The following SNTG2 variants were observed in gnomAD, a reference collection of about 807,000 sequenced individuals.
SNTG2 encodes syntrophin gamma 2, also known as gamma-2-syntrophin.
Under a neutral mutation model 70.9 loss-of-function variants are expected in SNTG2, and 74 were observed. That is an observed-to-expected ratio of 1.04 (90% CI 0.86 to 1.27). The LOEUF (loss-of-function observed/expected upper bound fraction) is 1.27. Ranked by LOEUF, SNTG2 falls within the 50% of genes most tolerant of loss-of-function variation. The pLI is 0.00. For missense variants in SNTG2, 717 were observed against 690.7 expected, an observed-to-expected ratio of 1.04 and a Z score of -0.43; for synonymous variants, 278 against 273.8, an observed-to-expected ratio of 1.02 and a Z score of -0.15.
intron 6 of SNTG2, among the ~76,000 whole-genome samples, chr2:1,148,532 C>T (rs1235176563): frequency 2.6e-5 from 4 of 152,192 alleles, no homozygotes; most frequent in African/African-American, 9.7e-5. Context: ...CCTGTGAGCT[C>T]TTCATGCTGA....
At chr2:1,065,943 C>G (rs1392969266) in intron 1 of SNTG2, among the ~76,000 whole-genome samples, 1 of 152,116 alleles carries the variant, frequency 6.6e-6, no homozygotes, top group East Asian at 1.9e-4. Flanking sequence ...AATAATCACA[C>G]AAGATTATCT....
intron 9 of SNTG2, chr2:1,210,821 T>C (rs993938178): frequency 2.0e-4 from 30 of 152,360 alleles, no homozygotes; most frequent in African/African-American, 7.2e-4. Context: ...GTTACAGTTG[T>C]GTAAGTATTC....
intron 1 of SNTG2, among the ~76,000 whole-genome samples, chr2:966,116 C>G (rs1380328975): frequency 6.6e-6 from 1 of 152,234 alleles, no homozygotes; most frequent in African/African-American, 2.4e-5. Flanking sequence ...CTGGCATTTG[C>G]TCTTGTGGGG....
At chr2:1,007,831 T>C (rs1393868540) in intron 1 of SNTG2, among the ~76,000 whole-genome samples, 1 of 152,204 alleles carries the variant, frequency 6.6e-6, no homozygotes, top group Non-Finnish European at 1.5e-5. Flanking sequence ...TGGAGTGCAG[T>C]GGTGCGATCT....
chr2:1,159,139 C>T (rs1395182816), intron 6 of SNTG2, among the ~76,000 whole-genome samples: 2 of 47,466 alleles, frequency 4.2e-5, no homozygotes, highest in Non-Finnish European at 1.2e-4. Context: ...CATGGGTGTG[C>T]ATATGTGGGG....
At chr2:977,953 T>TGTCA (rs577169905) in intron 1 of SNTG2, among the ~76,000 whole-genome samples, 79 of 152,368 alleles carry the variant, frequency 5.2e-4, no homozygotes, top group Non-Finnish European at 1.0e-3. Context: ...GTAAGATCGC[T>TGTCA]GTCATTATCT....
intron 4 of SNTG2, among the ~76,000 whole-genome samples, chr2:1,100,355 C>G (rs377714726): frequency 6.6e-6 from 1 of 152,176 alleles, no homozygotes; most frequent in African/African-American, 2.4e-5. Context: ...TTAGTAGAGG[C>G]GGGGGTCTCG....
intron 11 of SNTG2, among the ~76,000 whole-genome samples, chr2:1,241,547 G>A (rs1443157229): frequency 7.6e-6 from 1 of 132,202 alleles, no homozygotes; most frequent in Admixed American, 7.0e-5. Flanking sequence ...ATGTATACAT[G>A]TACCATGTGG....
chr2:973,773 T>G (rs1364401348), intron 1 of SNTG2, among the ~76,000 whole-genome samples: 1 of 152,212 alleles, frequency 6.6e-6, no homozygotes, highest in Non-Finnish European at 1.5e-5. Context: ...CAGGTGTCTT[T>G]ATTCTTTCCT....
chr2:1,045,246 A>G (rs1271725484), intron 1 of SNTG2, among the ~76,000 whole-genome samples: 1 of 151,582 alleles, frequency 6.6e-6, no homozygotes, highest in African/African-American at 2.4e-5. Context: ...ATGTCCCCTT[A>G]GTCATTTCTG....
chr2:1,001,722 C>T (rs1414372906), intron 1 of SNTG2, among the ~76,000 whole-genome samples: 2 of 151,928 alleles, frequency 1.3e-5, no homozygotes, highest in African/African-American at 4.8e-5. Flanking sequence ...GTGCAATTCT[C>T]ACCAAAATAT....
At chr2:1,135,922 A>G (rs998583487) in intron 4 of SNTG2, among the ~76,000 whole-genome samples, 3 of 152,174 alleles carry the variant, frequency 2.0e-5, no homozygotes, top group Admixed American at 1.3e-4. Flanking sequence ...ATACTGTTAG[A>G]CAAGCTGAAG....
chr2:1,274,160 C>T (rs1679174962), intron 14 of SNTG2, among the ~76,000 whole-genome samples: 1 of 152,202 alleles, frequency 6.6e-6, no homozygotes, highest in South Asian at 2.1e-4. Flanking sequence ...GGTGAAGGAA[C>T]TGGAACTCTC....
At chr2:1,001,163 T>C (rs1659382012) in intron 1 of SNTG2, among the ~76,000 whole-genome samples, 1 of 152,018 alleles carries the variant, frequency 6.6e-6, no homozygotes, top group East Asian at 1.9e-4. Context: ...GTCAACATCA[T>C]ACTGAATGGA....
intron 13 of SNTG2, chr2:1,263,027 T>A (rs9752720): frequency 0.32 from 49,097 of 152,186 alleles, 9,256 homozygotes; most frequent in African/African-American, 0.53. Context: ...AATTTTCCTT[T>A]TGTAGAACTT....
chr2:1,303,942 T>C (rs1680568157), intron 14 of SNTG2, among the ~76,000 whole-genome samples: 1 of 152,208 alleles, frequency 6.6e-6, no homozygotes, highest in Admixed American at 6.5e-5. Context: ...TTACCATTAC[T>C]AAGAAAACTT....
At chr2:1,220,950 A>G (rs923984521) in intron 9 of SNTG2, among the ~76,000 whole-genome samples, 7 of 152,198 alleles carry the variant, frequency 4.6e-5, no homozygotes, top group South Asian at 2.1e-4. Context: ...GTTTGCTCTG[A>G]TAGAGAACAA....
At chr2:1,124,835 C>T (rs915697131) in intron 4 of SNTG2, among the ~76,000 whole-genome samples, 3 of 152,082 alleles carry the variant, frequency 2.0e-5, no homozygotes, top group Non-Finnish European at 2.9e-5. Flanking sequence ...GATGCAAAGC[C>T]GTGCACAAGT....
At chr2:1,064,277 A>C (rs1663011084) in intron 1 of SNTG2, among the ~76,000 whole-genome samples, 1 of 152,114 alleles carries the variant, frequency 6.6e-6, no homozygotes, top group Non-Finnish European at 1.5e-5. Context: ...GCACTGTAAA[A>C]AATGTTAAAA....
Sources: allele counts gnomAD v4.1 joint callset (sites outside exome capture counted in the v4.1 genomes callset), GRCh38; gene constraint gnomAD v4.1.1; transcripts MANE v1.5; gene names NCBI Gene and HGNC (gene_info 2026-07-23, HGNC 2026-07-21).